VWC2L: variants seen among roughly 807,000 people sequenced by gnomAD.
The protein encoded by VWC2L is von Willebrand factor C domain containing 2 like.
In VWC2L, 10 loss-of-function variants were observed where a neutral mutation model predicts 21.6. The ratio of observed to expected loss-of-function variants is 0.46; its 90% CI spans 0.29 to 0.78. The LOEUF is 0.78. Ranked by LOEUF, VWC2L falls within the 30% of genes least tolerant of loss-of-function variation. VWC2L has a pLI of 0.10. For synonymous variants in VWC2L, 96 were observed against 94.3 expected, an observed-to-expected ratio of 1.02 and a Z score of -0.10; for missense variants, 209 against 277.1, an observed-to-expected ratio of 0.75 and a Z score of 1.74.
chr2:214,569,450 A>G (rs927494791), intron 3 of VWC2L, among the ~76,000 whole-genome samples: 3 of 152,336 alleles, frequency 2.0e-5, no homozygotes, highest in African/African-American at 7.2e-5. Context: ...ACAATTGGCT[A>G]GAGGAAGAAA....
intron 2 of VWC2L, among the ~76,000 whole-genome samples, chr2:214,435,212 G>A (rs1702661229): frequency 1.3e-5 from 2 of 152,068 alleles, no homozygotes; most frequent in African/African-American, 4.8e-5. Flanking sequence ...AATTTGCTGA[G>A]ATTATTTAGC....
intron 3 of VWC2L, among the ~76,000 whole-genome samples, chr2:214,466,626 A>C (rs1258034754): frequency 6.6e-6 from 1 of 152,160 alleles, no homozygotes; most frequent in Non-Finnish European, 1.5e-5. Flanking sequence ...TGGTTTAATA[A>C]TATTCTGTTT....
At chr2:214,467,288 T>C (rs61504790) in intron 3 of VWC2L, among the ~76,000 whole-genome samples, 1,585 of 152,340 alleles carry the variant, frequency 0.01, 23 homozygotes, top group African/African-American at 0.035. Flanking sequence ...ATGTATATGC[T>C]GATCAATACT....
Position 214,575,534 on chromosome 2 carries a change from G to T in VWC2L, c.521-138G>T, listed in dbSNP as rs186184909. On this transcript the variant is annotated intron_variant, in intron 3 of 3. Coordinates refer to ENST00000312504, the MANE Select transcript of VWC2L (RefSeq NM_001080500.4). ...TGCAACTTTGAATTTCAAGGAGATG[G>T]CTAGAAAATTCCTTGATGATAAGTC... is the stretch of plus-strand genomic sequence containing the variant. The T allele has an allele frequency of 1.0e-4, 86 of 857,032 alleles. No individual in the cohort carries two copies. In the African/African-American group the frequency reaches 1.4e-3, roughly 13 times the overall value. 53.1% of individuals were successfully genotyped at this position (857,032 alleles called of 1,614,324 possible). A position where few individuals can be genotyped will look rare whatever the true frequency, so the allele number is the denominator to read the frequency against.
chr2:214,549,649 T>C (rs760575213), intron 3 of VWC2L, among the ~76,000 whole-genome samples: 2 of 152,176 alleles, frequency 1.3e-5, no homozygotes, highest in African/African-American at 2.4e-5. Flanking sequence ...GGTGTACATC[T>C]GTAATCCCAG....
At chr2:214,441,403 T>C (rs967459967) in intron 3 of VWC2L, among the ~76,000 whole-genome samples, 1 of 151,890 alleles carries the variant, frequency 6.6e-6, no homozygotes, top group African/African-American at 2.4e-5. Context: ...CTAATAAATA[T>C]ATAAAAAATA....
intron 3 of VWC2L, among the ~76,000 whole-genome samples, chr2:214,480,540 A>G (rs143689156): frequency 6.6e-6 from 1 of 152,312 alleles, no homozygotes; most frequent in African/African-American, 2.4e-5. Flanking sequence ...TCTCTTGCAC[A>G]TTCAAGAAAT....
chr2:214,420,757 T>C (rs1228782113), intron 2 of VWC2L, among the ~76,000 whole-genome samples: 1 of 152,200 alleles, frequency 6.6e-6, no homozygotes, highest in Non-Finnish European at 1.5e-5. Context: ...CATGATTTTA[T>C]GCGGCAAAGA....
intron 3 of VWC2L, among the ~76,000 whole-genome samples, chr2:214,572,286 G>T (rs1000806309): frequency 6.6e-6 from 1 of 152,126 alleles, no homozygotes; most frequent in Admixed American, 6.5e-5. Context: ...TACATAATAA[G>T]CCTTCATTCT....
At chr2:214,432,360 C>A (rs1702612658) in intron 2 of VWC2L, among the ~76,000 whole-genome samples, 1 of 152,272 alleles carries the variant, frequency 6.6e-6, no homozygotes. Context: ...GTTTCACAGA[C>A]TGATGAGAGC....
chr2:214,466,990 T>C (rs993160320), intron 3 of VWC2L, among the ~76,000 whole-genome samples: 1 of 152,204 alleles, frequency 6.6e-6, no homozygotes, highest in Non-Finnish European at 1.5e-5. Context: ...AATTTTACCT[T>C]GTTGAGTGCT....
At chr2:214,470,092 A>G (rs548270841) in intron 3 of VWC2L, among the ~76,000 whole-genome samples, 31 of 151,854 alleles carry the variant, frequency 2.0e-4, no homozygotes, top group African/African-American at 7.1e-4. Context: ...TATGCAAAAT[A>G]TTATCATGCT....
chr2:214,468,584 T>C (rs1193742902), intron 3 of VWC2L, among the ~76,000 whole-genome samples: 1 of 152,116 alleles, frequency 6.6e-6, no homozygotes, highest in Non-Finnish European at 1.5e-5. Context: ...AAGAGATTTT[T>C]CTATAGATCG....
At chr2:214,564,718 A>C (rs1690035702) in intron 3 of VWC2L, among the ~76,000 whole-genome samples, 1 of 152,222 alleles carries the variant, frequency 6.6e-6, no homozygotes, top group Admixed American at 6.5e-5. Flanking sequence ...GAAAGGAAGC[A>C]CTACAACATT....
At chr2:214,474,461 T>C (rs1688470486) in intron 3 of VWC2L, among the ~76,000 whole-genome samples, 2 of 152,196 alleles carry the variant, frequency 1.3e-5, no homozygotes, top group African/African-American at 2.4e-5. Context: ...TGCAAGTATT[T>C]TGTCCAATAT....
At chr2:214,566,380 C>A (rs887950326) in intron 3 of VWC2L, among the ~76,000 whole-genome samples, 1 of 152,072 alleles carries the variant, frequency 6.6e-6, no homozygotes, top group Non-Finnish European at 1.5e-5. Context: ...TTCACGCCAG[C>A]CCTTGCATTT....
chr2:214,556,027 A>T (rs1307215828), intron 3 of VWC2L, among the ~76,000 whole-genome samples: 1 of 152,218 alleles, frequency 6.6e-6, no homozygotes, highest in Non-Finnish European at 1.5e-5. Context: ...TCACCAGCAC[A>T]CTCAGATGAG....
intron 1 of VWC2L, among the ~76,000 whole-genome samples, chr2:214,412,071 A>G (rs1702284329): frequency 6.6e-6 from 1 of 152,068 alleles, no homozygotes. Flanking sequence ...TATATTGAAA[A>G]TAAAATCTTG....
At chr2:214,417,575 T>A (rs1702375703) in intron 2 of VWC2L, among the ~76,000 whole-genome samples, 1 of 152,018 alleles carries the variant, frequency 6.6e-6, no homozygotes, top group African/African-American at 2.4e-5. Context: ...CAGAGCAAAA[T>A]CAGAGATTGG....
Sources: allele counts gnomAD v4.1 joint callset (sites outside exome capture counted in the v4.1 genomes callset), GRCh38; gene constraint gnomAD v4.1.1; transcripts MANE v1.5; gene names NCBI Gene and HGNC (gene_info 2026-07-23, HGNC 2026-07-21).